RAD18: variants seen among roughly 807,000 people sequenced by gnomAD.
The protein encoded by RAD18 is RAD18 E3 ubiquitin protein ligase.
RAD18 carries 47 observed loss-of-function variants against 60.4 expected under a neutral mutation model. The observed-to-expected ratio is 0.78, with a 90% confidence interval of 0.62 to 0.99. The LOEUF is 0.99. RAD18 is among the 50% of genes least tolerant of loss of function. RAD18 has a pLI of 0.00. For missense variants in RAD18, 640 were observed against 593.3 expected, an observed-to-expected ratio of 1.08 and a Z score of -0.82; for synonymous variants, 225 against 195.5, an observed-to-expected ratio of 1.15 and a Z score of -1.26.
At chr3:8,916,083 G>C (rs553282911) in intron 7 of RAD18, among the ~76,000 whole-genome samples, 2 of 152,212 alleles carry the variant, frequency 1.3e-5, no homozygotes, top group Non-Finnish European at 2.9e-5. Context: ...TTAAGCCACT[G>C]ACGAAAGGTC....
chr3:8,912,308 T>G lies in RAD18; in HGVS notation c.1027+4A>C. On this transcript the variant is annotated splice_donor_region_variant and intron_variant, in intron 9 of 12. Coordinates refer to ENST00000264926, the MANE Select transcript of RAD18 (RefSeq NM_020165.4). ...TACAAATTAAATAAAGTCGTGCAAC[T>G]TACGATATTTACTGTGGATTTCATC... The G allele has an allele frequency of 6.4e-7, 1 of 1,552,892 alleles. No individual in the cohort carries two copies. The highest frequency in any genetic ancestry group is 8.7e-7 in the Non-Finnish European group (1 of 1,149,318).
At chr3:8,947,853 C>T (rs1940861414) in intron 3 of RAD18, among the ~76,000 whole-genome samples, 1 of 152,202 alleles carries the variant, frequency 6.6e-6, no homozygotes, top group Admixed American at 6.5e-5. Flanking sequence ...AAATTTCTTA[C>T]ATAGAGAAAT....
chr3:8,915,080 C>T (rs1575543991), intron 7 of RAD18, among the ~76,000 whole-genome samples: 1 of 143,646 alleles, frequency 7.0e-6, no homozygotes, highest in Admixed American at 7.4e-5. Context: ...ACCCGGGAGG[C>T]GGAGCTTGCA....
intron 4 of RAD18, among the ~76,000 whole-genome samples, chr3:8,943,761 T>A (rs537166913): frequency 6.6e-6 from 1 of 152,250 alleles, no homozygotes; most frequent in African/African-American, 2.4e-5. Context: ...ACCACACTTC[T>A]AAATAACCCC....
Position 8,877,452 on chromosome 3 carries a change from A to G in RAD18, c.*3905T>C, listed in dbSNP as rs1051107422. 7 of 152,210 alleles carry G rather than the reference A, an allele frequency of 4.6e-5. No homozygotes were observed. The highest frequency in any genetic ancestry group is 1.4e-4 in the African/African-American group (6 of 41,442). 9.4% of individuals were successfully genotyped at this position (152,210 alleles called of 1,614,324 possible). Reference sequence around the variant, plus strand: ...AGCTGTGCCCTCACGACTTAATCACATCCTAAAGTTCCCACCTCTTGTTAA... The same window carrying G: ...AGCTGTGCCCTCACGACTTAATCACGTCCTAAAGTTCCCACCTCTTGTTAA... On this transcript the variant is annotated 3_prime_UTR_variant, in exon 13 of 13. Coordinates refer to ENST00000264926, the MANE Select transcript of RAD18 (RefSeq NM_020165.4).
intron 7 of RAD18, among the ~76,000 whole-genome samples, chr3:8,929,099 C>A (rs1311110649): frequency 2.0e-5 from 3 of 151,992 alleles, no homozygotes; most frequent in South Asian, 2.1e-4. Context: ...GGTAAAATAG[C>A]ACTTAGACAA....
intron 7 of RAD18, among the ~76,000 whole-genome samples, chr3:8,929,051 G>T (rs1316813500): frequency 2.0e-5 from 3 of 152,030 alleles, no homozygotes; most frequent in African/African-American, 7.2e-5. Flanking sequence ...TTAACTGGAT[G>T]GGAAGGTAAA....
intron 1 of RAD18, among the ~76,000 whole-genome samples, chr3:8,960,188 T>C (rs560627479): frequency 5.9e-5 from 9 of 152,230 alleles, no homozygotes; most frequent in East Asian, 3.9e-4. Context: ...ATGCCTGTAG[T>C]CCCAGCTACT....
In RAD18 at chr3:8,944,131, C is replaced by G. The variant is rs1380300791; in HGVS notation, c.267-2327G>C. 2.6e-5 allele frequency among the ~76,000 whole-genome samples: 4 copies of G among 152,012 alleles called. No homozygotes were observed. The South Asian group carries it at 8.3e-4, about 32-fold the overall frequency. ...ATTAAAAGAAGACCTCGTTACAAATCCTATAAAGAAGATAATTAGAGGATA... is the reference window on the plus strand; with the variant it reads ...ATTAAAAGAAGACCTCGTTACAAATGCTATAAAGAAGATAATTAGAGGATA... On this transcript the variant is annotated intron_variant, in intron 4 of 12. Transcript: ENST00000264926.
intron 7 of RAD18, among the ~76,000 whole-genome samples, chr3:8,919,928 A>C (rs758179087): frequency 6.6e-6 from 1 of 152,226 alleles, no homozygotes; most frequent in Non-Finnish European, 1.5e-5. Flanking sequence ...ACACGAAAAT[A>C]ATTAAGAGAA....
intron 7 of RAD18, among the ~76,000 whole-genome samples, chr3:8,920,278 CAA>C (rs60504682): frequency 2.9e-3 from 201 of 70,068 alleles, no homozygotes; most frequent in African/African-American, 8.0e-3. Context: ...GACTCCGTCT[CAA>C]AAAAAAAAAA....
intron 4 of RAD18, among the ~76,000 whole-genome samples, chr3:8,943,406 A>G (rs1298355546): frequency 6.6e-6 from 1 of 152,152 alleles, no homozygotes; most frequent in East Asian, 1.9e-4. Flanking sequence ...GAATAAAATG[A>G]ACATTCTACA....
chr3:8,923,946 G>C (rs1306709412), intron 7 of RAD18, among the ~76,000 whole-genome samples: 1 of 152,176 alleles, frequency 6.6e-6, no homozygotes, highest in Non-Finnish European at 1.5e-5. Flanking sequence ...ACCAGTACCA[G>C]CCACTGCAAA....
chr3:8,925,105 A>T (rs1940408516), intron 7 of RAD18, among the ~76,000 whole-genome samples: 2 of 152,190 alleles, frequency 1.3e-5, no homozygotes, highest in African/African-American at 4.8e-5. Flanking sequence ...CCCTTCAAAA[A>T]ATCAATGAAT....
intron 7 of RAD18, among the ~76,000 whole-genome samples, chr3:8,917,046 C>T (rs775550319): frequency 3.2e-4 from 48 of 152,018 alleles, no homozygotes; most frequent in Non-Finnish European, 5.7e-4. Flanking sequence ...TGCATATAGA[C>T]ACAAAGACAA....
chr3:8,951,048 T>TAA (rs1940918739), intron 2 of RAD18, among the ~76,000 whole-genome samples: 2 of 151,918 alleles, frequency 1.3e-5, no homozygotes, highest in Admixed American at 1.3e-4. Flanking sequence ...AACATACACA[T>TAA]AATGGGAATA....
intron 11 of RAD18, among the ~76,000 whole-genome samples, chr3:8,892,516 C>A (rs1367999433): frequency 6.6e-6 from 1 of 152,056 alleles, no homozygotes; most frequent in African/African-American, 2.4e-5. Context: ...TTTTTCACAC[C>A]TTTTAGTCAG....
intron 12 of RAD18, among the ~76,000 whole-genome samples, chr3:8,887,569 C>T (rs573459091): frequency 8.5e-5 from 13 of 152,238 alleles, no homozygotes; most frequent in Admixed American, 2.6e-4. Flanking sequence ...TTTTGGTTGG[C>T]GTATCATTTG....
At chr3:8,896,726 C>T (rs1444047300) in intron 11 of RAD18, among the ~76,000 whole-genome samples, 1 of 152,192 alleles carries the variant, frequency 6.6e-6, no homozygotes, top group Non-Finnish European at 1.5e-5. Flanking sequence ...GTACACTAGG[C>T]ATTAATCCCT....
Sources: allele counts gnomAD v4.1 joint callset (sites outside exome capture counted in the v4.1 genomes callset), GRCh38; gene constraint gnomAD v4.1.1; transcripts MANE v1.5; gene names NCBI Gene and HGNC (gene_info 2026-07-23, HGNC 2026-07-21).